The following CUBN variants were observed in gnomAD, a reference collection of about 807,000 sequenced individuals.
The protein encoded by CUBN is 460 kDa receptor.
CUBN carries 282 observed loss-of-function variants against 405.3 expected under a neutral mutation model. The ratio of observed to expected loss-of-function variants is 0.70; its 90% CI spans 0.63 to 0.77. The LOEUF is 0.77. CUBN is among the 30% of genes least tolerant of loss of function. The probability of loss-of-function intolerance (pLI) is 0.00; values close to 1 mark genes in which losing one functional copy is unlikely to be tolerated. For missense variants in CUBN, 4,514 were observed against 4,475.2 expected, an observed-to-expected ratio of 1.01 and a Z score of -0.25; for synonymous variants, 1,684 against 1,617.0, an observed-to-expected ratio of 1.04 and a Z score of -0.99.
chr10:17,071,614 T>A lies in CUBN; in HGVS notation c.2447-10A>T, dbSNP rs1449027217. 2 of 1,612,070 alleles carry A rather than the reference T, an allele frequency of 1.2e-6. No homozygotes were observed. The highest frequency in any genetic ancestry group is 1.7e-6 in the Non-Finnish European group (2 of 1,178,906). ...AATTCATCCCCGCAAGCTGTAAGCA[T>A]AAAAATTATAGTAGTGCTTGTCCAG... On this transcript the variant is annotated splice_polypyrimidine_tract_variant and intron_variant, in intron 18 of 66. Coordinates refer to ENST00000377833, the MANE Select transcript of CUBN (RefSeq NM_001081.4).
chr10:16,995,965 T>C (rs1463315350), intron 28 of CUBN, among the ~76,000 whole-genome samples: 1 of 152,150 alleles, frequency 6.6e-6, no homozygotes, highest in Non-Finnish European at 1.5e-5. Flanking sequence ...CATGCTCATA[T>C]CACTTAGTGA....
At chr10:17,000,994 C>T (rs1248208886) in intron 28 of CUBN, among the ~76,000 whole-genome samples, 2 of 152,128 alleles carry the variant, frequency 1.3e-5, no homozygotes, top group Admixed American at 6.5e-5. Context: ...GAGTTTGCTC[C>T]TTCAAATGTT....
At chr10:16,961,563 T>C (rs1843217654) in intron 31 of CUBN, among the ~76,000 whole-genome samples, 1 of 152,158 alleles carries the variant, frequency 6.6e-6, no homozygotes, top group Non-Finnish European at 1.5e-5. Flanking sequence ...AGAACGGTAA[T>C]GTGGGAAAAT....
chr10:16,974,675 G>T (rs1833040475), intron 31 of CUBN, among the ~76,000 whole-genome samples: 3 of 152,064 alleles, frequency 2.0e-5, no homozygotes, highest in Admixed American at 6.6e-5. Flanking sequence ...CCGGCCTACA[G>T]TTAACTCTTG....
intron 7 of CUBN, 44 bp downstream of exon 7, chr10:17,115,420 GCTACTAA>G: frequency 6.2e-7 from 1 of 1,610,878 alleles, no homozygotes; most frequent in Non-Finnish European, 8.5e-7. Flanking sequence ...AGGAGGAGGA[GCTACTAA>G]CCATGGCTCT....
intron 27 of CUBN, among the ~76,000 whole-genome samples, chr10:17,020,412 A>C (rs893633735): frequency 3.3e-5 from 5 of 152,210 alleles, no homozygotes; most frequent in Non-Finnish European, 5.9e-5. Flanking sequence ...TATAGGGTAC[A>C]TGAGATACTT....
chr10:16,968,681 T>C (rs542447376), intron 31 of CUBN, among the ~76,000 whole-genome samples: 13 of 152,226 alleles, frequency 8.5e-5, no homozygotes, highest in Non-Finnish European at 1.8e-4. Flanking sequence ...AATAAGAGCT[T>C]GCAGAGCTAC....
intron 10 of CUBN, 39 bp from the exon 11 acceptor site, chr10:17,105,614 C>T (rs190589748): frequency 2.7e-6 from 3 of 1,128,796 alleles, no homozygotes; most frequent in Admixed American, 1.7e-5. Flanking sequence ...ATACAGGTCT[C>T]CTCCTCTGTT....
chr10:16,939,725 C>CA (rs925986426), intron 37 of CUBN, among the ~76,000 whole-genome samples: 1 of 151,922 alleles, frequency 6.6e-6, no homozygotes, highest in African/African-American at 2.4e-5. Context: ...ATAAATACAC[C>CA]AAACCCAAAC....
chr10:17,054,573 C>G (rs1316908546), intron 22 of CUBN, among the ~76,000 whole-genome samples: 2 of 150,902 alleles, frequency 1.3e-5, no homozygotes, highest in African/African-American at 2.4e-5. Flanking sequence ...AGAATTCTAC[C>G]AAAACTGATC....
At chr10:17,076,994 A>G (rs1835868119) in intron 17 of CUBN, among the ~76,000 whole-genome samples, 1 of 152,216 alleles carries the variant, frequency 6.6e-6, no homozygotes, top group Admixed American at 6.5e-5. Context: ...AAGATGACCA[A>G]TATCTGAGTC....
rs368224687 is a variant in CUBN at position 17,043,911 on chromosome 10, G to T, written c.3745C>A (p.Arg1249Ser). Residue 1249 changes from arginine (R) to serine (S), a missense_variant, in exon 26 of 67, where the codon CGT becomes AGT. By Grantham distance (110) the Arg-to-Ser change is moderately radical. Transcript: ENST00000377833. Reference protein sequence around the residue: ...LCGDEKPPLIRSSGDSMFIKL... With the variant: ...LCGDEKPPLISSSGDSMFIKL... ...ATAAACATGCTGTCTCCACTAGAAC[G>T]AATAAGAGGGGGTTTCTCATCCCCA... 7 of 1,613,550 alleles carry T rather than the reference G, an allele frequency of 4.3e-6. No homozygotes were observed. In the South Asian group the frequency reaches 6.6e-5, roughly 15 times the overall value.
chr10:17,093,880 A>T (rs1403676672), intron 14 of CUBN, among the ~76,000 whole-genome samples: 1 of 152,084 alleles, frequency 6.6e-6, no homozygotes, highest in Non-Finnish European at 1.5e-5. Flanking sequence ...AATCAAAGCA[A>T]AAAAAGAAGG....
chr10:16,917,365 GT>G (rs1027216267), intron 45 of CUBN, among the ~76,000 whole-genome samples: 1 of 151,904 alleles, frequency 6.6e-6, no homozygotes, highest in Non-Finnish European at 1.5e-5. Context: ...CATATAGACT[GT>G]TTTTTTCTCT....
chr10:16,993,797 GC>G (rs1400371169), intron 28 of CUBN, among the ~76,000 whole-genome samples: 1 of 151,758 alleles, frequency 6.6e-6, no homozygotes, highest in Non-Finnish European at 1.5e-5. Context: ...GAGCCACCAT[GC>G]CCAGCTGAGA....
chr10:16,860,585 C>G (rs1486204879), intron 59 of CUBN, among the ~76,000 whole-genome samples: 2 of 152,208 alleles, frequency 1.3e-5, no homozygotes, highest in Non-Finnish European at 2.9e-5. Context: ...GCATCAAATT[C>G]TCCAGACAAA....
chr10:16,991,883 A>T (rs1424994218), intron 28 of CUBN, among the ~76,000 whole-genome samples: 1 of 152,182 alleles, frequency 6.6e-6, no homozygotes, highest in East Asian at 1.9e-4. Context: ...CAGCCATCCC[A>T]TTACTGGGTA....
chr10:17,106,736 T>A (rs1836642561), intron 10 of CUBN, among the ~76,000 whole-genome samples: 1 of 151,600 alleles, frequency 6.6e-6, no homozygotes, highest in African/African-American at 2.4e-5. Flanking sequence ...GAGCAAGCAC[T>A]CCCCTCGTGT....
At chr10:16,954,698 G>GT in intron 31 of CUBN, 150 bp from the exon 32 acceptor site, 1 of 841,382 alleles carries the variant, frequency 1.2e-6, no homozygotes, top group African/African-American at 1.7e-5. Context: ...TCTCACAGCT[G>GT]TAACAAGTCT....
Sources: gnomAD v4.1 joint callset for allele counts (sites outside exome capture counted in the v4.1 genomes callset) on GRCh38, gnomAD v4.1.1 for gene constraint, MANE v1.5 for transcripts, NCBI Gene and HGNC (gene_info 2026-07-23, HGNC 2026-07-21) for gene names.